Variants in YBX1 observed in about 807,000 individuals in gnomAD.
The protein encoded by YBX1 is Y-box binding protein 1, also known as Y-box-binding protein 1.
In YBX1, 3 loss-of-function variants were observed where a neutral mutation model predicts 41.4. The ratio of observed to expected loss-of-function variants is 0.07; its 90% CI spans 0.03 to 0.19. YBX1 has a LOEUF of 0.19. Ranked by LOEUF, YBX1 falls within the 10% of genes least tolerant of loss-of-function variation. The probability of loss-of-function intolerance (pLI) is 1.00; values close to 1 mark genes in which losing one functional copy is unlikely to be tolerated. For synonymous variants in YBX1, 133 were observed against 165.8 expected, an observed-to-expected ratio of 0.80 and a Z score of 1.52; for missense variants, 274 against 462.8, an observed-to-expected ratio of 0.59 and a Z score of 3.74.
chr1:42,688,448 CAT>C (rs71851854), intron 2 of YBX1, among the ~76,000 whole-genome samples: 45,230 of 151,926 alleles, frequency 0.3, 6,879 homozygotes, highest in Non-Finnish European at 0.32. Context: ...TGTAAACAAA[CAT>C]AAAGATTCAG....
At position 42,696,519 on chromosome 1, in the gene YBX1, C is replaced by T. The variant is rs1557533684; in HGVS notation, c.355-123C>T. The T allele has an allele frequency of 1.4e-6, 1 of 727,336 alleles. No individual in the cohort carries two copies. Among genetic ancestry groups the T allele is most frequent in the Non-Finnish European group, 2.2e-6 (1 of 461,118 alleles). The allele number at this position is 727,336 out of a possible 1,614,324, so 45.1% of individuals were successfully genotyped here. On this transcript the variant is annotated intron_variant, in intron 4 of 7. Transcript: ENST00000321358. The surrounding 1 kb of genome is among the most constrained non-coding windows in gnomAD (Gnocchi z 5.7). The stretch of plus-strand genomic sequence containing the variant: ...CCTGGTCACGCAGTTGCGCCCCCCC[C>T]CCCTTTTTTTTCCTTAACTTTGTTG...
In YBX1 at chr1:42,696,726, C is replaced by T. The variant is rs774304187; in HGVS notation, c.439C>T (p.Arg147Cys). 6.8e-6 allele frequency: 11 copies of T among 1,613,502 alleles called. No homozygotes were observed. The highest frequency in any genetic ancestry group is 1.7e-5 in the Admixed American group (1 of 59,960). The change falls in exon 5 of 8, where the codon CGC (arginine) becomes TGC (cysteine). Residue 147 changes from arginine (R) to cysteine (C), a missense_variant. By Grantham distance (180) the Arg-to-Cys change is radical (BLOSUM62 -3). Coordinates refer to ENST00000321358, the MANE Select transcript of YBX1 (RefSeq NM_004559.5). The surrounding 1 kb of genome is among the most constrained non-coding windows in gnomAD (Gnocchi z 5.7). ...KYAADRNHYR[R>C]YPRRRGPPRN... Reference sequence around the variant, plus strand: ...TGCAGCAGACCGTAACCATTATAGACGCTATCCACGTCGTAGGGGTCCTCC... The same window carrying T: ...TGCAGCAGACCGTAACCATTATAGATGCTATCCACGTCGTAGGGGTCCTCC...
At chr1:42,686,835 C>T (rs560125530) in intron 2 of YBX1, among the ~76,000 whole-genome samples, 1 of 152,316 alleles carries the variant, frequency 6.6e-6, no homozygotes, top group South Asian at 2.1e-4. Flanking sequence ...TGTTACTTGT[C>T]CCCATAAGCA....
At chr1:42,694,489 C>T (rs1232634933) in intron 3 of YBX1, among the ~76,000 whole-genome samples, 10 of 151,988 alleles carry the variant, frequency 6.6e-5, no homozygotes, top group Admixed American at 6.6e-4. Flanking sequence ...TACTATAATC[C>T]AGAAATCAAA....
chr1:42,686,058 G>A (rs1399020808), intron 2 of YBX1, among the ~76,000 whole-genome samples: 1 of 152,130 alleles, frequency 6.6e-6, no homozygotes, highest in African/African-American at 2.4e-5. Context: ...TGACTAGAGG[G>A]GTTTATTAGC....
chr1:42,686,070 C>A (rs1650189110), intron 2 of YBX1, among the ~76,000 whole-genome samples: 1 of 152,084 alleles, frequency 6.6e-6, no homozygotes, highest in Non-Finnish European at 1.5e-5. Flanking sequence ...TTTATTAGCT[C>A]CCCCCAGATT....
intron 2 of YBX1, among the ~76,000 whole-genome samples, chr1:42,688,980 G>A (rs1343685550): frequency 2.0e-5 from 3 of 152,182 alleles, no homozygotes; most frequent in Non-Finnish European, 2.9e-5. Flanking sequence ...TCACGAGTAA[G>A]CCATTAAATT....
chr1:42,689,174 A>G (rs544141505), intron 2 of YBX1, among the ~76,000 whole-genome samples: 14 of 152,214 alleles, frequency 9.2e-5, no homozygotes, highest in African/African-American at 3.1e-4. Flanking sequence ...GGAAACATAC[A>G]GTTTGTCCGA....
Position 42,701,020 on chromosome 1 carries a change from C to T in YBX1, c.*5C>T, listed in dbSNP as rs769596821. Reference sequence around the variant, plus strand: ...GAGCAGGGCGGGGCTGAGTAAATGCCGGCTTACCATCTCTACCATCATCCG... The same window carrying T: ...GAGCAGGGCGGGGCTGAGTAAATGCTGGCTTACCATCTCTACCATCATCCG... On this transcript the variant is annotated 3_prime_UTR_variant, in exon 7 of 8. Coordinates refer to ENST00000321358, the MANE Select transcript of YBX1 (RefSeq NM_004559.5). The T allele has an allele frequency of 6.8e-6, 11 of 1,613,786 alleles. No individual in the cohort carries two copies. The highest frequency in any genetic ancestry group is 1.7e-5 in the Admixed American group (1 of 60,012).
At chr1:42,695,470 A>C (rs1210061396) in intron 3 of YBX1, among the ~76,000 whole-genome samples, 1 of 152,212 alleles carries the variant, frequency 6.6e-6, no homozygotes, top group African/African-American at 2.4e-5. Context: ...CCTGTCTCAT[A>C]ATGAGATTGA....
chr1:42,702,794 T>G lies in YBX1; in HGVS notation c.*845T>G, dbSNP rs959218016. ...CACTGCCTGGTGTGGTCATCAAATA[T>G]TGGTTCAGCTCCTTATGTCCTAGAG... On this transcript the variant is annotated 3_prime_UTR_variant, in exon 8 of 8. Transcript: ENST00000321358. Among the ~76,000 whole-genome samples the G allele has an allele frequency of 6.6e-6, 1 of 152,216 alleles. No homozygotes were observed. Among genetic ancestry groups the G allele is most frequent in the African/African-American group, 2.4e-5 (1 of 41,472 alleles).
In YBX1 at chr1:42,701,528, G is replaced by GTTT. The variant is rs200264018; in HGVS notation, c.*32-443_*32-441dup. Among the ~76,000 whole-genome samples, 435 of 143,568 alleles carry GTTT rather than the reference G, an allele frequency of 3.0e-3. 1 individual carries two copies. Among genetic ancestry groups the GTTT allele is most frequent in the Non-Finnish European group, 4.5e-3 (295 of 65,082 alleles). The allele number at this position is 143,568 out of a possible 152,430, so 94.2% of individuals were successfully genotyped here. ...TATAATCTTTTAATCATTTCTAATT[G>GTTT]TTTTTTTTTTTTGTTGGTTTATGTT... On this transcript the variant is annotated intron_variant, in intron 7 of 7. Coordinates refer to ENST00000321358, the MANE Select transcript of YBX1 (RefSeq NM_004559.5).
chr1:42,688,860 C>A (rs182558483), intron 2 of YBX1, among the ~76,000 whole-genome samples: 45 of 152,318 alleles, frequency 3.0e-4, no homozygotes, highest in African/African-American at 8.4e-4. Context: ...TTTTCTCTTA[C>A]AACTTTCTTA....
intron 2 of YBX1, among the ~76,000 whole-genome samples, chr1:42,691,740 A>G (rs777367534): frequency 3.9e-5 from 6 of 152,252 alleles, no homozygotes; most frequent in African/African-American, 1.2e-4. Flanking sequence ...AAATACATAC[A>G]TGACTCAGAT....
intron 2 of YBX1, among the ~76,000 whole-genome samples, chr1:42,688,226 TAC>T (rs757233562): frequency 2.6e-5 from 4 of 152,296 alleles, no homozygotes; most frequent in African/African-American, 4.8e-5. Context: ...CAAGTCCACT[TAC>T]ACACAGATTT....
At chr1:42,690,603 A>C (rs932730093) in intron 2 of YBX1, among the ~76,000 whole-genome samples, 1 of 152,206 alleles carries the variant, frequency 6.6e-6, no homozygotes, top group African/African-American at 2.4e-5. Context: ...GCAGGTGGCC[A>C]AGAAGAATAG....
intron 6 of YBX1, among the ~76,000 whole-genome samples, chr1:42,697,548 G>A (rs11210697): frequency 0.014 from 2,125 of 152,202 alleles, 63 homozygotes; most frequent in African/African-American, 0.049. Flanking sequence ...TCCTTGGTAG[G>A]GAGAAAGGAA....
chr1:42,683,574 C>T (rs1373729971), intron 2 of YBX1, 108 bp downstream of exon 2: 2 of 1,186,328 alleles, frequency 1.7e-6, no homozygotes, highest in Admixed American at 2.1e-5. Flanking sequence ...TTCTGAAAGG[C>T]GTTTACTACC....
chr1:42,682,519 A>T lies in YBX1; in HGVS notation c.-47A>T. On this transcript the variant is annotated 5_prime_UTR_variant, in exon 1 of 8. Coordinates refer to ENST00000321358, the MANE Select transcript of YBX1 (RefSeq NM_004559.5). ...GGCCTAGTTACCATCACACCCCGGG[A>T]GGAGCCGCAGCTGCCGCAGCCGGCC... The T allele has an allele frequency of 7.1e-7, 1 of 1,415,274 alleles. No homozygotes were observed. The highest frequency in any genetic ancestry group is 9.2e-7 in the Non-Finnish European group (1 of 1,087,598). The allele number at this position is 1,415,274 out of a possible 1,614,324, so 87.7% of individuals were successfully genotyped here. A position where few individuals can be genotyped will look rare whatever the true frequency, so the allele number is the denominator to read the frequency against.
Sources: gnomAD v4.1 joint callset for allele counts (sites outside exome capture counted in the v4.1 genomes callset) on GRCh38, gnomAD v4.1.1 for gene constraint, Gnocchi (gnomAD v3.1) non-coding constraint, MANE v1.5 for transcripts, NCBI Gene and HGNC (gene_info 2026-07-23, HGNC 2026-07-21) for gene names.